Variants in CFAP251 observed in about 807,000 individuals in gnomAD.
The protein encoded by CFAP251 is cilia and flagella associated protein 251, also known as cilia- and flagella-associated protein 251.
Under a neutral mutation model 126.7 loss-of-function variants are expected in CFAP251, and 93 were observed. The ratio of observed to expected loss-of-function variants is 0.73; its 90% confidence interval spans 0.62 to 0.87. CFAP251 has a LOEUF of 0.87. CFAP251 is among the 40% of genes least tolerant of loss of function. The pLI is 0.00. For missense variants in CFAP251, 1,287 were observed against 1,389.2 expected, an observed-to-expected ratio of 0.93 and a Z score of 1.17; for synonymous variants, 503 against 506.9, an observed-to-expected ratio of 0.99 and a Z score of 0.10.
At chr12:121,933,106 C>G (rs954109211) in intron 4 of CFAP251, 2 of 152,216 alleles carry the variant, frequency 1.3e-5, no homozygotes, top group African/African-American at 4.8e-5. Flanking sequence ...AGCTTACAGT[C>G]TAGAACAGAG....
chr12:121,932,793 G>C (rs1880743323), intron 4 of CFAP251: 1 of 152,398 alleles, frequency 6.6e-6, no homozygotes, highest in South Asian at 2.1e-4. Flanking sequence ...TAGAAGTCCA[G>C]AAATACGCAG....
chr12:121,920,113 G>T (rs1001446724), intron 1 of CFAP251, among the ~76,000 whole-genome samples: 1 of 151,210 alleles, frequency 6.6e-6, no homozygotes, highest in African/African-American at 2.4e-5. Context: ...GAACCCTGGA[G>T]GCAGTAATTG....
At chr12:121,987,836 T>G (rs1882787530) in intron 19 of CFAP251, among the ~76,000 whole-genome samples, 1 of 151,984 alleles carries the variant, frequency 6.6e-6, no homozygotes, top group African/African-American at 2.4e-5. Flanking sequence ...ACAGCCAGGG[T>G]TTGAACCAAG....
chr12:121,974,492 C>T lies in CFAP251; in HGVS notation c.2772-752C>T, dbSNP rs1345522042. 6.6e-6 allele frequency among the ~76,000 whole-genome samples: 1 copy of T among 152,158 alleles called. No homozygotes were observed. The highest frequency in any genetic ancestry group is 1.5e-5 in the Non-Finnish European group (1 of 68,040). Reference sequence around the variant, plus strand: ...ATCACACAGCTTGCCAGGGGTAGAGCCGGGACTTGCACACATGTCCGTGTG... The same window carrying T: ...ATCACACAGCTTGCCAGGGGTAGAGTCGGGACTTGCACACATGTCCGTGTG... On this transcript the variant is annotated intron_variant, in intron 17 of 21. Transcript: ENST00000288912. This position sits in a 1 kb window ranked among gnomAD's most constrained non-coding sequence, Gnocchi z 4.6.
At position 121,974,776 on chromosome 12, in the gene CFAP251, T is replaced by C. The variant is rs910986232; in HGVS notation, c.2772-468T>C. Among the ~76,000 whole-genome samples the C allele has an allele frequency of 4.6e-5, 7 of 152,232 alleles. No homozygotes were observed. The highest frequency in any genetic ancestry group is 1.0e-4 in the Non-Finnish European group (7 of 68,040). On this transcript the variant is annotated intron_variant, in intron 17 of 21. Coordinates refer to ENST00000288912, the MANE Select transcript of CFAP251 (RefSeq NM_144668.6). The surrounding 1 kb of genome is among the most constrained non-coding windows in gnomAD (Gnocchi z 4.6). ...GAGGGTTATTTTTATCTGACTGGCA[T>C]GGGTCCCTGTGGTCTCCTGAGTTTT... is the stretch of plus-strand genomic sequence containing the variant.
At chr12:121,943,596 AT>A (rs1391792593) in intron 7 of CFAP251, among the ~76,000 whole-genome samples, 23 of 150,982 alleles carry the variant, frequency 1.5e-4, no homozygotes, top group Admixed American at 1.3e-3. Context: ...CTAATTTTGT[AT>A]TTTTTTTAGT....
chr12:121,956,988 C>T (rs1565912329), intron 10 of CFAP251, 86 bp from the exon 11 acceptor site: 1 of 1,086,054 alleles, frequency 9.2e-7, no homozygotes, highest in Non-Finnish European at 1.3e-6. Flanking sequence ...GCCCCAGAAT[C>T]CAGAGCCTGA....
intron 19 of CFAP251, among the ~76,000 whole-genome samples, chr12:121,976,147 TAC>T (rs1380747903): frequency 6.6e-6 from 1 of 152,028 alleles, no homozygotes; most frequent in Non-Finnish European, 1.5e-5. Flanking sequence ...TAGCTGGGAT[TAC>T]AGACACCCAC....
At chr12:121,928,658 GTATATATATACGTA>G (rs1215248573) in intron 3 of CFAP251, among the ~76,000 whole-genome samples, 188 of 26,624 alleles carry the variant, frequency 7.1e-3, no homozygotes, top group Non-Finnish European at 0.026. Context: ...ATATATATAC[GTATATATATACGTA>G]TATATATATA....
At chr12:121,924,426 CTTT>C (rs59759704) in intron 3 of CFAP251, among the ~76,000 whole-genome samples, 1 of 90,288 alleles carries the variant, frequency 1.1e-5, no homozygotes, top group African/African-American at 5.7e-5. Context: ...AGACTTGTGT[CTTT>C]TTTTTTTTTT....
rs1338340728 is a variant in CFAP251 at position 121,918,780 on chromosome 12, G to C, written c.-21+85G>C. The C allele has an allele frequency of 1.3e-5, 2 of 152,410 alleles. No homozygotes were observed. The highest frequency in any genetic ancestry group is 6.5e-5 in the Admixed American group (1 of 15,286). The allele number at this position is 152,410 out of a possible 1,614,324, so 9.4% of individuals were successfully genotyped here. A position where few individuals can be genotyped will look rare whatever the true frequency, so the allele number is the denominator to read the frequency against. ...ACCTGGCGGGGTCTGGTGCCCCTTG[G>C]GGGGCGCTCACCCGACCTGGCCCTT... is the stretch of plus-strand genomic sequence containing the variant. On this transcript the variant is annotated intron_variant, in intron 1 of 21. Coordinates refer to ENST00000288912, the MANE Select transcript of CFAP251 (RefSeq NM_144668.6). The surrounding 1 kb of genome is among the most constrained non-coding windows in gnomAD (Gnocchi z 4.3).
intron 7 of CFAP251, among the ~76,000 whole-genome samples, chr12:121,944,973 G>C (rs1881261416): frequency 6.6e-6 from 1 of 152,036 alleles, no homozygotes; most frequent in Non-Finnish European, 1.5e-5. Context: ...TTCAGAGACA[G>C]AGTTTTGCCA....
Position 121,989,166 on chromosome 12 carries a change from A to G in CFAP251, c.3007-10550A>G, listed in dbSNP as rs750989571. The stretch of plus-strand genomic sequence containing the variant: ...TTGTGGGTTTGGTACAAGGTGCAAG[A>G]CTTGTCATTCAGCTAGGACTGTCTC... On this transcript the variant is annotated intron_variant, in intron 19 of 21. Coordinates refer to ENST00000288912, the MANE Select transcript of CFAP251 (RefSeq NM_144668.6). This position sits in a 1 kb window ranked among gnomAD's most constrained non-coding sequence, Gnocchi z 4.2. Among the ~76,000 whole-genome samples the G allele has an allele frequency of 6.6e-6, 1 of 152,204 alleles. No individual in the cohort carries two copies. The highest frequency in any genetic ancestry group is 1.5e-5 in the Non-Finnish European group (1 of 68,034).
chr12:121,921,316 C>A lies in CFAP251; in HGVS notation c.11C>A (p.Ala4Glu). The part of the protein sequence containing the change: MSD[A>E]AEAPREATGE... ...ACTCTACAGAGAAGAATGTCAGATG[C>A]AGCAGAAGCTCCCCGAGAAGCAACA... Residue 4 changes from alanine to glutamate, a missense_variant, in exon 2 of 22, where the codon GCA becomes GAA. Coordinates refer to ENST00000288912, the MANE Select transcript of CFAP251 (RefSeq NM_144668.6). 1 of 1,589,648 alleles carries A rather than the reference C, an allele frequency of 6.3e-7. No individual in the cohort carries two copies. The highest frequency in any genetic ancestry group is 8.5e-7 in the Non-Finnish European group (1 of 1,172,044).
At chr12:121,962,245 C>A in intron 15 of CFAP251, 83 bp downstream of exon 15, 1 of 1,298,390 alleles carries the variant, frequency 7.7e-7, no homozygotes, top group Non-Finnish European at 1.1e-6. Flanking sequence ...ACATAGGGAC[C>A]TGCAGGCAGC....
At chr12:121,920,924 C>T (rs887690475) in intron 1 of CFAP251, among the ~76,000 whole-genome samples, 1 of 151,946 alleles carries the variant, frequency 6.6e-6, no homozygotes, top group African/African-American at 2.4e-5. Context: ...TCTTGGCTCA[C>T]TGCAACCTCT....
rs745323556 is a variant in CFAP251, at chr12:121,921,489, G to GT, written c.184_185insT (p.Gly62ValfsTer17). 3.1e-6 allele frequency: 1 copy of GT among 323,904 alleles called. No individual in the cohort carries two copies. The highest frequency in any genetic ancestry group is 9.9e-5 in the African/African-American group (1 of 10,108). The allele number at this position is 323,904 out of a possible 1,614,324, so 20.1% of individuals were successfully genotyped here. On this transcript the variant is annotated frameshift_variant, in exon 2 of 22. Coordinates refer to ENST00000288912, the MANE Select transcript of CFAP251 (RefSeq NM_144668.6). LOFTEE classifies it high-confidence loss of function. ...GGAGAGGAAAACGGGCGAGGAGGAA[G>GT]GGGAGGAGGAGGGGAAGGAGGACAA...
At chr12:121,949,539 G>A (rs1203402456) in intron 8 of CFAP251, 2 of 142,134 alleles carry the variant, frequency 1.4e-5, no homozygotes, top group Non-Finnish European at 3.0e-5. Context: ...AAAGGAATTA[G>A]CAAACAGATT....
At chr12:121,931,919 AGTTGTCTTTAACGTGC>A in intron 4 of CFAP251, 33 bp downstream of exon 4, 1 of 1,477,900 alleles carries the variant, frequency 6.8e-7, no homozygotes, top group Non-Finnish European at 9.0e-7. Context: ...CAGGTGGGGG[AGTTGTCTTTAACGTGC>A]GTGTGGTATT....
Sources: allele counts gnomAD v4.1 joint callset (sites outside exome capture counted in the v4.1 genomes callset), GRCh38; gene constraint gnomAD v4.1.1; non-coding constraint Gnocchi (gnomAD v3.1); transcripts MANE v1.5; gene names NCBI Gene and HGNC (gene_info 2026-07-23, HGNC 2026-07-21).